Variants in TMEM178B observed in about 807,000 individuals in gnomAD.
TMEM178B encodes transmembrane protein 178B.
Under a neutral mutation model 31.0 loss-of-function variants are expected in TMEM178B, and 5 were observed. The observed-to-expected ratio is 0.16, with a 90% CI of 0.08 to 0.34. TMEM178B has a LOEUF of 0.34. Ranked by LOEUF, TMEM178B falls within the 10% of genes least tolerant of loss-of-function variation. The pLI is 1.00. For missense variants in TMEM178B, 275 were observed against 400.3 expected, an observed-to-expected ratio of 0.69 and a Z score of 2.67; for synonymous variants, 164 against 164.0, an observed-to-expected ratio of 1.00 and a Z score of 0.00.
the TMEM178B span, among the ~76,000 whole-genome samples, chr7:141,489,245 T>A: frequency 6.6e-6 from 1 of 152,200 alleles, no homozygotes; most frequent in African/African-American, 2.4e-5. Context: ...GAGGCCAGAC[T>A]TTGAGCAGCA....
intron 1 of TMEM178B, among the ~76,000 whole-genome samples, chr7:141,095,025 C>G (rs1284318211): frequency 3.3e-5 from 5 of 152,204 alleles, no homozygotes; most frequent in African/African-American, 7.2e-5. Context: ...ATTACGGTCA[C>G]AAAACCTTCC....
At chr7:141,451,643 G>A (rs1328208296) in intron 3 of TMEM178B, among the ~76,000 whole-genome samples, 1 of 152,202 alleles carries the variant, frequency 6.6e-6, no homozygotes, top group African/African-American at 2.4e-5. Context: ...GGTACATGAA[G>A]GGCAGTGTTC....
intron 2 of TMEM178B, among the ~76,000 whole-genome samples, chr7:141,233,958 T>C (rs1797487821): frequency 6.6e-6 from 1 of 152,228 alleles, no homozygotes; most frequent in Admixed American, 6.5e-5. Context: ...TTAAAGATTA[T>C]TCCTTTGTGC....
intron 2 of TMEM178B, among the ~76,000 whole-genome samples, chr7:141,248,284 G>C (rs1005142339): frequency 1.3e-5 from 2 of 152,106 alleles, no homozygotes; most frequent in Admixed American, 6.5e-5. Flanking sequence ...GGTGGCAGGC[G>C]CCTGTAATCC....
chr7:141,086,579 A>T lies in TMEM178B; in HGVS notation c.382+11887A>T, dbSNP rs149256682. The stretch of plus-strand genomic sequence containing the variant: ...AGAAACATATTTGCATTGTATGCAT[A>T]AAAATATGCATGAGACTAATAAACA... On this transcript the variant is annotated intron_variant, in intron 1 of 3. Coordinates refer to ENST00000565468, the MANE Select transcript of TMEM178B (RefSeq NM_001195278.2). Among the ~76,000 whole-genome samples, 185 of 152,352 alleles carry T rather than the reference A, an allele frequency of 1.2e-3. 1 individual carries two copies. The highest frequency in any genetic ancestry group is 4.2e-3 in the African/African-American group (174 of 41,582).
At chr7:141,283,717 G>A (rs2116404632) in intron 2 of TMEM178B, among the ~76,000 whole-genome samples, 1 of 152,284 alleles carries the variant, frequency 6.6e-6, no homozygotes, top group East Asian at 1.9e-4. Context: ...ACTGGAGTCA[G>A]GGGTGAGGGG....
At chr7:141,364,462 C>T (rs749382598) in intron 2 of TMEM178B, among the ~76,000 whole-genome samples, 56 of 152,046 alleles carry the variant, frequency 3.7e-4, no homozygotes, top group Non-Finnish European at 5.6e-4. Context: ...AGATCGAGAC[C>T]ATCCTGGCTA....
chr7:141,362,594 A>C (rs1306258123), intron 2 of TMEM178B, among the ~76,000 whole-genome samples: 4 of 152,202 alleles, frequency 2.6e-5, no homozygotes, highest in Non-Finnish European at 5.9e-5. Context: ...GGAGGACTAG[A>C]TAATTTTATG....
chr7:141,449,831 A>C (rs1183960265), intron 3 of TMEM178B, among the ~76,000 whole-genome samples: 1 of 152,236 alleles, frequency 6.6e-6, no homozygotes, highest in Non-Finnish European at 1.5e-5. Flanking sequence ...AAGCCTGGCA[A>C]GCCTGAACAA....
intron 1 of TMEM178B, among the ~76,000 whole-genome samples, chr7:141,146,058 C>T (rs944844793): frequency 1.3e-5 from 2 of 152,200 alleles, no homozygotes; most frequent in African/African-American, 2.4e-5. Context: ...ACTTTTATAT[C>T]CTCTATCCAT....
At chr7:141,216,689 C>T (rs1324655205) in intron 2 of TMEM178B, among the ~76,000 whole-genome samples, 1 of 152,076 alleles carries the variant, frequency 6.6e-6, no homozygotes, top group East Asian at 1.9e-4. Flanking sequence ...TTCGCCTTCT[C>T]ACCCTGGGAA....
intron 2 of TMEM178B, among the ~76,000 whole-genome samples, chr7:141,410,848 T>A (rs1800973727): frequency 6.6e-6 from 1 of 152,170 alleles, no homozygotes; most frequent in South Asian, 2.1e-4. Flanking sequence ...AACTTGAAAA[T>A]GATGAAGATA....
chr7:141,405,381 T>C (rs1800864014), intron 2 of TMEM178B, among the ~76,000 whole-genome samples: 1 of 152,198 alleles, frequency 6.6e-6, no homozygotes, highest in African/African-American at 2.4e-5. Flanking sequence ...ATGGAGGCCT[T>C]TCCCCAAGTC....
At chr7:141,386,899 T>C (rs6955319) in intron 2 of TMEM178B, among the ~76,000 whole-genome samples, 13,274 of 152,150 alleles carry the variant, frequency 0.087, 715 homozygotes, top group African/African-American at 0.13. Context: ...TCTGATGCAC[T>C]ATCAGTAACT....
At chr7:141,338,059 G>A (rs939720989) in intron 2 of TMEM178B, among the ~76,000 whole-genome samples, 1 of 152,078 alleles carries the variant, frequency 6.6e-6, no homozygotes, top group South Asian at 2.1e-4. Context: ...GGATGGTCTC[G>A]ATCTCCTGAC....
At chr7:141,366,665 T>G (rs906763438) in intron 2 of TMEM178B, among the ~76,000 whole-genome samples, 11 of 152,200 alleles carry the variant, frequency 7.2e-5, no homozygotes, top group African/African-American at 2.4e-4. Flanking sequence ...TTCTATAACT[T>G]TTCTTTAACG....
At chr7:141,510,685 CAAAAAAAAAAAA>C in the TMEM178B span, among the ~76,000 whole-genome samples, 5 of 24,966 alleles carry the variant, frequency 2.0e-4, no homozygotes, top group East Asian at 2.9e-3. Context: ...AACTCCGTCT[CAAAAAAAAAAAA>C]AAAAAAAAAA....
intron 3 of TMEM178B, among the ~76,000 whole-genome samples, chr7:141,468,713 C>T (rs1240280145): frequency 1.3e-5 from 2 of 152,092 alleles, no homozygotes; most frequent in East Asian, 3.9e-4. Context: ...CTCGAGGACA[C>T]AGACACACAA....
chr7:141,171,749 G>A lies in TMEM178B; in HGVS notation c.383-40842G>A, dbSNP rs1796352350. On this transcript the variant is annotated intron_variant, in intron 1 of 3. Transcript: ENST00000565468. The surrounding 1 kb of genome is among the most constrained non-coding windows in gnomAD (Gnocchi z 4.3). ...AGAGAGGCGACAGTTAAGCAAGGCA[G>A]TGTGAACATGTGCAAATGTGGGCCA... Among the ~76,000 whole-genome samples, 1 of 152,192 alleles carries A rather than the reference G, an allele frequency of 6.6e-6. No homozygotes were observed. Among genetic ancestry groups the A allele is most frequent in the Non-Finnish European group, 1.5e-5 (1 of 68,034 alleles).
Sources: allele counts gnomAD v4.1 joint callset (sites outside exome capture counted in the v4.1 genomes callset), GRCh38; gene constraint gnomAD v4.1.1; non-coding constraint Gnocchi (gnomAD v3.1); transcripts MANE v1.5; gene names NCBI Gene and HGNC (gene_info 2026-07-23, HGNC 2026-07-21).